Variants in RAB3IP observed in about 807,000 individuals in gnomAD.
RAB3IP encodes RAB3A interacting protein, also known as rab-3A-interacting protein.
A neutral mutation model predicts 59.1 loss-of-function variants in RAB3IP; 36 were observed. That is an observed-to-expected ratio of 0.61 (90% confidence interval 0.47 to 0.80). RAB3IP has a LOEUF of 0.80. Ranked by LOEUF, RAB3IP falls within the 30% of genes least tolerant of loss-of-function variation. The pLI is 0.00. For missense variants in RAB3IP, 511 were observed against 536.0 expected (o/e 0.95, Z 0.46); for synonymous variants, 207 against 191.2 (o/e 1.08, Z -0.68).
intron 1 of RAB3IP, among the ~76,000 whole-genome samples, chr12:69,746,103 C>T (rs1868332759): frequency 6.6e-6 from 1 of 152,172 alleles, no homozygotes; most frequent in South Asian, 2.1e-4. Context: ...CCCTCATTCC[C>T]AGTGCATGAC....
intron 3 of RAB3IP, among the ~76,000 whole-genome samples, chr12:69,762,748 C>G (rs1386655933): frequency 2.2e-5 from 2 of 89,162 alleles, no homozygotes; most frequent in African/African-American, 9.1e-5. Flanking sequence ...CAGAGGGAGA[C>G]TCCGTCTCAA....
intron 4 of RAB3IP, 75 bp from the exon 5 acceptor site, chr12:69,794,362 T>G: frequency 8.2e-7 from 1 of 1,221,622 alleles, no homozygotes. Context: ...TTGCTTCAAT[T>G]GTAAACATTT....
In RAB3IP at chr12:69,756,649, G is replaced by A. The variant is rs1010881147; in HGVS notation, c.496G>A (p.Ala166Thr). ...KGYERLKEEL[A>T]KAQRELKLKD... is the part of the protein sequence containing the mutation. ...CTATGAACGATTAAAAGAAGAACTCGCAAAAGCTCAGAGGGTAAGAAAGAA... is the reference window on the plus strand; with the variant it reads ...CTATGAACGATTAAAAGAAGAACTCACAAAAGCTCAGAGGGTAAGAAAGAA... The change falls in exon 3 of 11, where the codon GCA (alanine) becomes ACA (threonine). Residue 166 changes from alanine to threonine, a missense_variant. By Grantham distance (58) the Ala-to-Thr change is moderately conservative (BLOSUM62 0). Transcript: ENST00000247833. The A allele has an allele frequency of 3.7e-6, 6 of 1,613,038 alleles. No homozygotes were observed. The highest frequency in any genetic ancestry group is 1.3e-5 in the African/African-American group (1 of 74,804).
chr12:69,801,676 C>T lies in RAB3IP; in HGVS notation c.1085C>T (p.Pro362Leu). The T allele has an allele frequency of 2.5e-6, 4 of 1,612,912 alleles. No individual in the cohort carries two copies. Among genetic ancestry groups the T allele is most frequent in the Non-Finnish European group, 3.4e-6 (4 of 1,179,342 alleles). The change falls in exon 8 of 11, where the codon CCT becomes CTT. Residue 362 changes from proline (P) to leucine (L), a missense_variant. Transcript: ENST00000247833. ...AGCATTGAACCAGTGGGATTACAAC[C>T]TATCCGGTTTGTGAAAGCTTCTGCA... ...TLSIEPVGLQ[P>L]IRFVKASAVE... is the part of the protein sequence containing the mutation.
At chr12:69,797,645 G>C (rs1877706533) in intron 6 of RAB3IP, among the ~76,000 whole-genome samples, 1 of 151,480 alleles carries the variant, frequency 6.6e-6, no homozygotes, top group Non-Finnish European at 1.5e-5. Context: ...CTAGCATTAG[G>C]TATATCTCCC....
At chr12:69,761,834 C>T (rs1444932977) in intron 3 of RAB3IP, among the ~76,000 whole-genome samples, 1 of 152,176 alleles carries the variant, frequency 6.6e-6, no homozygotes, top group Non-Finnish European at 1.5e-5. Context: ...ATTCATTTAA[C>T]ACTCTGAAGC....
chr12:69,760,690 A>G (rs61930169), intron 3 of RAB3IP, among the ~76,000 whole-genome samples: 1 of 151,268 alleles, frequency 6.6e-6, no homozygotes, highest in African/African-American at 2.4e-5. Flanking sequence ...TAAGATTGAT[A>G]ATTTTTTTTT....
At chr12:69,783,545 G>A (rs1302300217) in intron 3 of RAB3IP, among the ~76,000 whole-genome samples, 1 of 152,182 alleles carries the variant, frequency 6.6e-6, no homozygotes, top group East Asian at 1.9e-4. Flanking sequence ...CCTCTAAGAT[G>A]TTTGAGGGTT....
At chr12:69,757,281 TAA>T (rs1870383967) in intron 3 of RAB3IP, among the ~76,000 whole-genome samples, 1 of 152,084 alleles carries the variant, frequency 6.6e-6, no homozygotes, top group Non-Finnish European at 1.5e-5. Context: ...GCTCCCACTT[TAA>T]GAATCTGTAA....
intron 3 of RAB3IP, among the ~76,000 whole-genome samples, chr12:69,775,388 A>T (rs376372792): frequency 2.1e-5 from 3 of 141,090 alleles, no homozygotes; most frequent in Non-Finnish European, 4.6e-5. Flanking sequence ...TCTTTTCCTA[A>T]TTGAATACCC....
In RAB3IP at chr12:69,755,417, T is replaced by G. The variant is rs781727949; in HGVS notation, c.9T>G (p.Asn3Lys). 1.3e-5 allele frequency: 21 copies of G among 1,614,156 alleles called. No homozygotes were observed. Among genetic ancestry groups the G allele is most frequent in the Non-Finnish European group, 1.7e-5 (20 of 1,179,976 alleles). The stretch of plus-strand genomic sequence containing the variant: ...ATGATGAGGCTTTTGCTATGGCTAA[T>G]GATCCCTTGGAAGGCTTCCATGAAG... MA[N>K]DPLEGFHEVN... Residue 3 changes from asparagine to lysine, a missense_variant, in exon 2 of 11, where the codon AAT (asparagine) becomes AAG (lysine). Coordinates refer to ENST00000247833, the MANE Select transcript of RAB3IP (RefSeq NM_022456.5).
At chr12:69,746,431 C>T (rs1868354577) in intron 1 of RAB3IP, among the ~76,000 whole-genome samples, 1 of 152,170 alleles carries the variant, frequency 6.6e-6, no homozygotes, top group Non-Finnish European at 1.5e-5. Context: ...TTGTATTCAG[C>T]ACTGAAAATC....
At chr12:69,764,123 C>A (rs1205570936) in intron 3 of RAB3IP, among the ~76,000 whole-genome samples, 1 of 151,984 alleles carries the variant, frequency 6.6e-6, no homozygotes, top group Non-Finnish European at 1.5e-5. Flanking sequence ...GGATATATAC[C>A]CAGTAATGGG....
Position 69,801,626 on chromosome 12 carries a change from G to A in RAB3IP, c.1035G>A (p.Leu345=), listed in dbSNP as rs765795162. 1 of 1,610,710 alleles carries A rather than the reference G, an allele frequency of 6.2e-7. No individual in the cohort carries two copies. Among genetic ancestry groups the A allele is most frequent in the Non-Finnish European group, 8.5e-7 (1 of 1,177,878 alleles). ...FSKSELASAV[L]EAVENNTLSI... ...TTTTTAAGTTGGCTTCAGCTGTTCT[G>A]GAGGCTGTGGAAAACAATACTCTAA... The change falls in exon 8 of 11, where the codon CTG becomes CTA. Residue 345 remains leucine, a synonymous_variant. Transcript: ENST00000247833.
chr12:69,797,724 C>T (rs1381225644), intron 6 of RAB3IP, among the ~76,000 whole-genome samples: 1 of 150,144 alleles, frequency 6.7e-6, no homozygotes, highest in Non-Finnish European at 1.5e-5. Context: ...CTTCCTGTGT[C>T]CATGTGTTCT....
chr12:69,787,547 T>C (rs1184859969), intron 4 of RAB3IP, among the ~76,000 whole-genome samples: 2 of 152,202 alleles, frequency 1.3e-5, no homozygotes, highest in Non-Finnish European at 2.9e-5. Context: ...TTGCTTTATC[T>C]ACTGTGAAAA....
At chr12:69,798,739 A>T (rs966851180) in intron 6 of RAB3IP, among the ~76,000 whole-genome samples, 1 of 152,220 alleles carries the variant, frequency 6.6e-6, no homozygotes, top group Admixed American at 6.5e-5. Flanking sequence ...AGCTTTCTAC[A>T]TAGGGCTAGC....
At chr12:69,742,181 T>G (rs1306182720) in intron 1 of RAB3IP, among the ~76,000 whole-genome samples, 1 of 152,196 alleles carries the variant, frequency 6.6e-6, no homozygotes, top group Admixed American at 6.5e-5. Context: ...GTAGAGATAT[T>G]TGTGCATTGA....
Position 69,747,222 on chromosome 12 carries a change from A to T in RAB3IP, c.-25-8162A>T, listed in dbSNP as rs1868439096. 3.9e-5 allele frequency among the ~76,000 whole-genome samples: 6 copies of T among 152,178 alleles called. No individual in the cohort carries two copies. In the South Asian group the frequency reaches 1.2e-3, roughly 32 times the overall value. ...GCCAGTCTTAATTGGTAAGTGCCAG[A>T]TATGGTGCTAAGCTCTTTAATTCTC... On this transcript the variant is annotated intron_variant, in intron 1 of 10. Coordinates refer to ENST00000247833, the MANE Select transcript of RAB3IP (RefSeq NM_022456.5).
Sources: gnomAD v4.1 joint callset for allele counts (sites outside exome capture counted in the v4.1 genomes callset) on GRCh38, gnomAD v4.1.1 for gene constraint, MANE v1.5 for transcripts, NCBI Gene and HGNC (gene_info 2026-07-23, HGNC 2026-07-21) for gene names.